ZNF573: variants seen among roughly 807,000 people sequenced by gnomAD.
ZNF573 encodes zinc finger protein 573.
ZNF573 carries 41 observed loss-of-function variants against 57.4 expected under a neutral mutation model. That is an observed-to-expected ratio of 0.71 (90% CI 0.56 to 0.93). The LOEUF is 0.93. ZNF573 is among the 40% of genes least tolerant of loss of function. ZNF573 has a pLI of 0.00. For synonymous variants in ZNF573, 249 were observed against 261.0 expected (o/e 0.95, Z 0.44); for missense variants, 730 against 794.8 (o/e 0.92, Z 0.98).
intron 4 of ZNF573, among the ~76,000 whole-genome samples, chr19:37,753,645 A>G (rs932876386): frequency 2.9e-4 from 44 of 152,202 alleles, no homozygotes; most frequent in Non-Finnish European, 2.2e-4. Context: ...TGAATTATAT[A>G]TTAAAAAGCC....
At chr19:37,748,704 G>A (rs1231644102) in intron 4 of ZNF573, among the ~76,000 whole-genome samples, 10 of 151,980 alleles carry the variant, frequency 6.6e-5, no homozygotes, top group South Asian at 2.1e-4. Context: ...CAAGGCAGGC[G>A]GATCACAAGT....
rs1453203278 is a variant in ZNF573 at position 37,767,882 on chromosome 19, GA to G, written c.295+2122del. Reference sequence around the variant, plus strand: ...AAACTTAAAAAGACTTGAAATTGGAGAAAAAATAAAAGGAAGGAACTTATTA... The same window carrying G: ...AAACTTAAAAAGACTTGAAATTGGAGAAAAATAAAAGGAAGGAACTTATTA... On this transcript the variant is annotated intron_variant, in intron 4 of 4. Coordinates refer to ENST00000536220, the MANE Select transcript of ZNF573 (RefSeq NM_001172690.2). 2.0e-5 allele frequency among the ~76,000 whole-genome samples: 3 copies of G among 152,186 alleles called. No individual in the cohort carries two copies. In the Middle Eastern group the frequency reaches 0.01, roughly 521 times the overall value.
At position 37,757,544 on chromosome 19, in the gene ZNF573, C is replaced by T. The variant is rs758372223; in HGVS notation, c.295+12461G>A. The stretch of plus-strand genomic sequence containing the variant: ...AGACTCAGCCCCATCCCAATTAGTT[C>T]GCTCTGTTTTGCAAAACCTGCCTTA... On this transcript the variant is annotated intron_variant, in intron 4 of 4. Coordinates refer to ENST00000536220, the MANE Select transcript of ZNF573 (RefSeq NM_001172690.2). Among the ~76,000 whole-genome samples, 19 of 152,172 alleles carry T rather than the reference C, an allele frequency of 1.2e-4. No homozygotes were observed. The South Asian group carries it at 2.9e-3, about 23-fold the overall frequency.
intron 3 of ZNF573, 126 bp downstream of exon 3, chr19:37,771,438 A>C: frequency 1.7e-6 from 2 of 1,143,780 alleles, no homozygotes; most frequent in Non-Finnish European, 2.4e-6. Flanking sequence ...GCAGAGCTGA[A>C]ATATTCCTCT....
intron 4 of ZNF573, among the ~76,000 whole-genome samples, chr19:37,758,199 TAA>T (rs1224494420): frequency 0.077 from 913 of 11,878 alleles, 161 homozygotes; most frequent in Non-Finnish European, 0.2. Flanking sequence ...TAAAGTATAA[TAA>T]AATATATATA....
chr19:37,750,763 A>G (rs2045426225), intron 4 of ZNF573, among the ~76,000 whole-genome samples: 1 of 150,238 alleles, frequency 6.7e-6, no homozygotes, highest in South Asian at 2.1e-4. Context: ...GAGGCAGGAG[A>G]ATTACAGCAG....
At chr19:37,759,129 GAC>G (rs1222745950) in intron 4 of ZNF573, 4 of 542,838 alleles carry the variant, frequency 7.4e-6, no homozygotes, top group Non-Finnish European at 7.0e-6. Flanking sequence ...AACCCAGTGA[GAC>G]CCCCATCTCT....
chr19:37,759,225 G>T, intron 4 of ZNF573: 2 of 546,990 alleles, frequency 3.7e-6, no homozygotes, highest in Non-Finnish European at 4.7e-6. Flanking sequence ...TGTTATACAA[G>T]TTCTTAATCT....
chr19:37,757,881 T>C (rs1176601302), intron 4 of ZNF573, among the ~76,000 whole-genome samples: 1 of 152,046 alleles, frequency 6.6e-6, no homozygotes, highest in Non-Finnish European at 1.5e-5. Flanking sequence ...GATGAGTTCA[T>C]GTCCGTTGTA....
intron 4 of ZNF573, among the ~76,000 whole-genome samples, chr19:37,764,902 CTTTTTT>C (rs34049888): frequency 9.4e-6 from 1 of 106,514 alleles, no homozygotes; most frequent in Admixed American, 1.1e-4. Flanking sequence ...TGTGCCCGGC[CTTTTTT>C]TTTTTTTTTT....
At chr19:37,747,990 C>G (rs1217773732) in intron 4 of ZNF573, among the ~76,000 whole-genome samples, 1 of 152,170 alleles carries the variant, frequency 6.6e-6, no homozygotes, top group Non-Finnish European at 1.5e-5. Flanking sequence ...CCGGCTGTTA[C>G]AGTCTTTCTA....
At chr19:37,741,999 G>GA (rs752611365) in intron 4 of ZNF573, among the ~76,000 whole-genome samples, 6 of 152,028 alleles carry the variant, frequency 3.9e-5, no homozygotes, top group Non-Finnish European at 5.9e-5. Flanking sequence ...AAATCAATGT[G>GA]AAAAAATCAC....
intron 4 of ZNF573, among the ~76,000 whole-genome samples, chr19:37,744,208 G>C (rs1485047273): frequency 6.6e-6 from 1 of 151,852 alleles, no homozygotes; most frequent in African/African-American, 2.4e-5. Flanking sequence ...AGGCTTTCTA[G>C]AGAGCAGAGC....
chr19:37,760,459 CTA>C (rs2045540289), intron 4 of ZNF573, among the ~76,000 whole-genome samples: 1 of 152,136 alleles, frequency 6.6e-6, no homozygotes. Flanking sequence ...AAATAAACAT[CTA>C]TGAGTCCATA....
intron 4 of ZNF573, chr19:37,758,598 TAAAA>T (rs11339865): frequency 9.9e-5 from 13 of 131,100 alleles, no homozygotes; most frequent in Admixed American, 2.4e-4. Flanking sequence ...AGACTCCATC[TAAAA>T]AAAAAAAAAA....
intron 4 of ZNF573, among the ~76,000 whole-genome samples, chr19:37,761,422 C>T (rs898707060): frequency 1.3e-5 from 2 of 152,100 alleles, no homozygotes; most frequent in Non-Finnish European, 2.9e-5. Context: ...CCATTCTCCC[C>T]CTAGGCTAAC....
At position 37,770,906 on chromosome 19, in the gene ZNF573, T is replaced by C. The variant is rs1039915306; in HGVS notation, c.202+658A>G. On this transcript the variant is annotated intron_variant, in intron 3 of 4. Coordinates refer to ENST00000536220, the MANE Select transcript of ZNF573 (RefSeq NM_001172690.2). ...CCCTTCCAAAGAGTGGCTGGGGACA[T>C]AATGAGCACAACTGTACCAATTATA... 4.1e-4 allele frequency among the ~76,000 whole-genome samples: 54 copies of C among 133,200 alleles called. 1 individual carries two copies. Among genetic ancestry groups the C allele is most frequent in the Admixed American group, 3.8e-3 (46 of 12,072 alleles). The allele number at this position is 133,200 out of a possible 152,430, so 87.4% of individuals were successfully genotyped here. A position where few individuals can be genotyped will look rare whatever the true frequency, so the allele number is the denominator to read the frequency against.
intron 1 of ZNF573, among the ~76,000 whole-genome samples, chr19:37,774,285 G>GTT (rs1212433931): frequency 2.0e-5 from 3 of 151,774 alleles, no homozygotes; most frequent in African/African-American, 7.3e-5. Context: ...CTACAGGTGC[G>GTT]TACCACCACA....
chr19:37,777,042 C>CA (rs1296293808), intron 1 of ZNF573, among the ~76,000 whole-genome samples: 2 of 152,116 alleles, frequency 1.3e-5, no homozygotes, highest in Non-Finnish European at 2.9e-5. Context: ...CTGGTGGGAA[C>CA]AAAAACTAGT....
Sources: allele counts gnomAD v4.1 joint callset (sites outside exome capture counted in the v4.1 genomes callset), GRCh38; gene constraint gnomAD v4.1.1; transcripts MANE v1.5; gene names NCBI Gene and HGNC (gene_info 2026-07-23, HGNC 2026-07-21).